The following NR3C2 variants were observed in gnomAD, a reference collection of about 807,000 sequenced individuals.
NR3C2 encodes mineralocorticoid receptor.
In NR3C2, 15 loss-of-function variants were observed where a neutral mutation model predicts 86.4. That is an observed-to-expected ratio of 0.17 (90% CI 0.12 to 0.27). NR3C2 has a LOEUF of 0.27. NR3C2 is among the 10% of genes least tolerant of loss of function. NR3C2 has a pLI of 1.00. For missense variants in NR3C2, 960 were observed against 1,195.6 expected, an observed-to-expected ratio of 0.80 and a Z score of 2.91; for synonymous variants, 458 against 450.5, an observed-to-expected ratio of 1.02 and a Z score of -0.21.
chr4:148,327,680 G>A (rs375241587), intron 2 of NR3C2, among the ~76,000 whole-genome samples: 59 of 152,326 alleles, frequency 3.9e-4, no homozygotes, highest in African/African-American at 1.2e-3. Flanking sequence ...AAGAGTGGGT[G>A]CATGCTGTCA....
chr4:148,435,316 C>T lies in NR3C2; in HGVS notation c.1545G>A (p.Gly515=), dbSNP rs1373680255. ...EASIPSSAIV[G]VNSGGQSFHY... is the part of the protein sequence containing the mutation. Reference sequence around the variant, plus strand: ...GGAAGGACTGTCCACCTGAATTCACCCCAACAATAGCAGAGGAAGGGATGC... The same window carrying T: ...GGAAGGACTGTCCACCTGAATTCACTCCAACAATAGCAGAGGAAGGGATGC... Residue 515 remains glycine, a synonymous_variant, in exon 2 of 9, where the codon GGG becomes GGA. Transcript: ENST00000358102. The T allele has an allele frequency of 8.1e-6, 13 of 1,614,014 alleles. No homozygotes were observed. Among genetic ancestry groups the T allele is most frequent in the Non-Finnish European group, 1.1e-5 (13 of 1,180,036 alleles).
At position 148,210,784 on chromosome 4, in the gene NR3C2, C is replaced by T. The variant is rs540854763; in HGVS notation, c.1898-15922G>A. Among the ~76,000 whole-genome samples, 6 of 152,296 alleles carry T rather than the reference C, an allele frequency of 3.9e-5. No homozygotes were observed. The East Asian group carries it at 5.8e-4, about 15-fold the overall frequency. ...ATCCACAAGTACCAATAAATTATTA[C>T]ACTAATATGTTAAATATTTTCATAT... On this transcript the variant is annotated intron_variant, in intron 3 of 8. Transcript: ENST00000358102.
chr4:148,378,356 T>TA, intron 2 of NR3C2, among the ~76,000 whole-genome samples: 1 of 151,188 alleles, frequency 6.6e-6, no homozygotes. Flanking sequence ...ACAATGAAGA[T>TA]ATACACCCCA....
chr4:148,174,060 G>A (rs762098507), intron 4 of NR3C2, among the ~76,000 whole-genome samples: 1 of 152,128 alleles, frequency 6.6e-6, no homozygotes, highest in Admixed American at 6.5e-5. Context: ...AATCCCATTC[G>A]TTTTGAATTT....
At chr4:148,370,482 T>C (rs1171300215) in intron 2 of NR3C2, among the ~76,000 whole-genome samples, 1 of 152,194 alleles carries the variant, frequency 6.6e-6, no homozygotes, top group Non-Finnish European at 1.5e-5. Context: ...AACATATAAT[T>C]AGCCTTCCTA....
chr4:148,168,317 G>T (rs1401722892), intron 4 of NR3C2, among the ~76,000 whole-genome samples: 1 of 152,178 alleles, frequency 6.6e-6, no homozygotes, highest in Non-Finnish European at 1.5e-5. Context: ...TCAATTCAAG[G>T]TTTTAGTACC....
At chr4:148,187,418 T>C (rs1335744958) in intron 4 of NR3C2, among the ~76,000 whole-genome samples, 1 of 152,174 alleles carries the variant, frequency 6.6e-6, no homozygotes, top group Non-Finnish European at 1.5e-5. Context: ...TGAGGTGGTA[T>C]TGCATTTTGG....
chr4:148,234,549 G>A (rs1299759968), intron 3 of NR3C2, among the ~76,000 whole-genome samples: 1 of 152,026 alleles, frequency 6.6e-6, no homozygotes, highest in Non-Finnish European at 1.5e-5. Context: ...CAGGTATGGT[G>A]GCATGCGCCT....
At position 148,435,198 on chromosome 4, in the gene NR3C2, T is replaced by C. The variant is rs779893534; in HGVS notation, c.1663A>G (p.Thr555Ala). Reference sequence around the variant, plus strand: ...TGTGATTTCCATGACTCCACTAAAGTATTGACAGGAGGAAAGGAACTCAGG... The same window carrying C: ...TGTGATTTCCATGACTCCACTAAAGCATTGACAGGAGGAAAGGAACTCAGG... ...QHLSSFPPVN[T>A]LVESWKSHGD... The change falls in exon 2 of 9, where the codon ACT becomes GCT. Residue 555 changes from threonine (T) to alanine (A), a missense_variant. Thr to Ala is a moderately conservative substitution (Grantham distance 58). This residue lies in a region of NR3C2 where 680 missense variants were observed against 719.0 expected (regional missense o/e 0.95). Transcript: ENST00000358102. 2.5e-6 allele frequency: 4 copies of C among 1,614,006 alleles called. No homozygotes were observed. Among genetic ancestry groups the C allele is most frequent in the Admixed American group, 1.7e-5 (1 of 59,992 alleles).
chr4:148,166,135 G>C (rs899857424), intron 4 of NR3C2, among the ~76,000 whole-genome samples: 1 of 152,128 alleles, frequency 6.6e-6, no homozygotes, highest in Non-Finnish European at 1.5e-5. Flanking sequence ...TATTTTTCTA[G>C]GCTGGGATCT....
chr4:148,234,137 A>G (rs546920199), intron 3 of NR3C2, among the ~76,000 whole-genome samples: 2 of 152,314 alleles, frequency 1.3e-5, no homozygotes, highest in Admixed American at 1.3e-4. Context: ...AGTAATTTCA[A>G]TGTGCAAGTT....
chr4:148,386,197 T>A (rs1285830487), intron 2 of NR3C2, among the ~76,000 whole-genome samples: 1 of 152,116 alleles, frequency 6.6e-6, no homozygotes, highest in Non-Finnish European at 1.5e-5. Context: ...CTCACTCACA[T>A]GAAATTGAGG....
At chr4:148,438,467 T>A (rs1750181161) in intron 1 of NR3C2, among the ~76,000 whole-genome samples, 1 of 152,246 alleles carries the variant, frequency 6.6e-6, no homozygotes, top group South Asian at 2.1e-4. Context: ...TTTCAAAGTC[T>A]GTAAACAATC....
intron 6 of NR3C2, among the ~76,000 whole-genome samples, chr4:148,133,771 G>A (rs1176145039): frequency 6.6e-6 from 1 of 152,250 alleles, no homozygotes; most frequent in Non-Finnish European, 1.5e-5. Context: ...CAAGGCGACA[G>A]CAGAGAGTGG....
At chr4:148,298,406 G>T (rs1311037149) in intron 2 of NR3C2, among the ~76,000 whole-genome samples, 2 of 152,142 alleles carry the variant, frequency 1.3e-5, no homozygotes, top group African/African-American at 4.8e-5. Flanking sequence ...GGAACAACTG[G>T]GGTGATGGAA....
rs1730539253 is a variant in NR3C2, at chr4:148,081,242, G to T, written c.*102C>A. On this transcript the variant is annotated 3_prime_UTR_variant, in exon 9 of 9. Coordinates refer to ENST00000358102, the MANE Select transcript of NR3C2 (RefSeq NM_000901.5). ...AAACTTGAGAAACTGTTGAACAAGTGTGAATCAACCATCACATGTTAAAAA... is the reference window on the plus strand; with the variant it reads ...AAACTTGAGAAACTGTTGAACAAGTTTGAATCAACCATCACATGTTAAAAA... 2.1e-6 allele frequency: 3 copies of T among 1,444,804 alleles called. No individual in the cohort carries two copies. Among genetic ancestry groups the T allele is most frequent in the South Asian group, 1.2e-5 (1 of 84,760 alleles). 89.5% of individuals were successfully genotyped at this position (1,444,804 alleles called of 1,614,324 possible).
chr4:148,314,488 A>T lies in NR3C2; in HGVS notation c.1758-54371T>A, dbSNP rs1422675895. 2.0e-5 allele frequency among the ~76,000 whole-genome samples: 3 copies of T among 152,158 alleles called. No individual in the cohort carries two copies. In the South Asian group the frequency reaches 6.2e-4, roughly 32 times the overall value. ...TAAATGGCCTATTTTAAGTAAAATT[A>T]TATCTTACATTTATATTTTACAATA... On this transcript the variant is annotated intron_variant, in intron 2 of 8. Transcript: ENST00000358102.
At chr4:148,299,107 T>C (rs1463616738) in intron 2 of NR3C2, among the ~76,000 whole-genome samples, 1 of 152,176 alleles carries the variant, frequency 6.6e-6, no homozygotes, top group East Asian at 1.9e-4. Flanking sequence ...TTTTATTTTT[T>C]GCTGAGATCT....
chr4:148,137,270 C>A (rs149638492), intron 6 of NR3C2, among the ~76,000 whole-genome samples: 1 of 152,094 alleles, frequency 6.6e-6, no homozygotes, highest in Non-Finnish European at 1.5e-5. Context: ...GAAAACAGCA[C>A]GCACTGTGAG....
Sources: allele counts gnomAD v4.1 joint callset (sites outside exome capture counted in the v4.1 genomes callset), GRCh38; gene constraint gnomAD v4.1.1; regional missense constraint gnomAD v4.1.1; transcripts MANE v1.5; gene names NCBI Gene and HGNC (gene_info 2026-07-23, HGNC 2026-07-21).